The following DOCK2 variants were observed in gnomAD, a reference collection of about 807,000 sequenced individuals.
DOCK2 encodes the protein dedicator of cytokinesis protein 2.
DOCK2 carries 87 observed loss-of-function variants against 248.9 expected under a neutral mutation model. The ratio of observed to expected loss-of-function variants is 0.35; its 90% CI spans 0.29 to 0.42. DOCK2 has a LOEUF of 0.42. Among genes scored for constraint, DOCK2 ranks in the 10% least tolerant of loss-of-function variants. The pLI is 1.00. For synonymous variants in DOCK2, 805 were observed against 821.6 expected (o/e 0.98, Z 0.35); for missense variants, 1,747 against 2,300.2 (o/e 0.76, Z 4.92).
chr5:170,026,167 G>C (rs1250019698), intron 33 of DOCK2, among the ~76,000 whole-genome samples: 1 of 152,162 alleles, frequency 6.6e-6, no homozygotes, highest in African/African-American at 2.4e-5. Context: ...CGGATGATGT[G>C]TGAACCAGAG....
chr5:169,878,287 A>G (rs1772445051), intron 27 of DOCK2, among the ~76,000 whole-genome samples: 2 of 152,172 alleles, frequency 1.3e-5, no homozygotes, highest in Non-Finnish European at 1.5e-5. Flanking sequence ...TGGTTTTTGC[A>G]AGATTCCCCA....
intron 27 of DOCK2, among the ~76,000 whole-genome samples, chr5:169,866,977 A>G (rs1431279927): frequency 6.6e-6 from 1 of 152,090 alleles, no homozygotes; most frequent in Non-Finnish European, 1.5e-5. Context: ...ACTTCCCCCC[A>G]CTTACAAGTC....
chr5:169,902,572 G>A (rs771378895), intron 27 of DOCK2, among the ~76,000 whole-genome samples: 9 of 152,174 alleles, frequency 5.9e-5, no homozygotes, highest in Non-Finnish European at 1.0e-4. Context: ...AATACTGAGG[G>A]TCAGCTGTTT....
chr5:169,926,272 C>T (rs1775451161), intron 27 of DOCK2, among the ~76,000 whole-genome samples: 1 of 152,176 alleles, frequency 6.6e-6, no homozygotes, highest in Non-Finnish European at 1.5e-5. Flanking sequence ...ACCTGCAGAC[C>T]CTGCTCCTTA....
chr5:169,644,765 A>G (rs1314146988), intron 1 of DOCK2, among the ~76,000 whole-genome samples: 2 of 151,694 alleles, frequency 1.3e-5, no homozygotes, highest in African/African-American at 2.4e-5. Context: ...TGCATTAGCT[A>G]TTTGTCCTAA....
At chr5:169,728,538 A>G (rs1035690899) in intron 22 of DOCK2, among the ~76,000 whole-genome samples, 1 of 152,168 alleles carries the variant, frequency 6.6e-6, no homozygotes, top group Non-Finnish European at 1.5e-5. Context: ...GAGTGTCGGC[A>G]GTGTCAGGTG....
chr5:169,825,093 T>C (rs1189228648), intron 26 of DOCK2, among the ~76,000 whole-genome samples: 2 of 152,150 alleles, frequency 1.3e-5, no homozygotes, highest in East Asian at 1.9e-4. Flanking sequence ...CCAGTTAGAA[T>C]GGTGATCATT....
In DOCK2 at chr5:170,071,036, A is replaced by G. The variant is rs1432916602; in HGVS notation, c.4728+1816A>G. Among the ~76,000 whole-genome samples the G allele has an allele frequency of 2.0e-5, 3 of 152,162 alleles. No individual in the cohort carries two copies. In the East Asian group the frequency reaches 5.8e-4, roughly 29 times the overall value. ...AGCACCACCCGCTGCTCCTGAGACCACCTATACAGAGGCCCACCTAACCCC... is the reference window on the plus strand; with the variant it reads ...AGCACCACCCGCTGCTCCTGAGACCGCCTATACAGAGGCCCACCTAACCCC... On this transcript the variant is annotated intron_variant, in intron 46 of 51. Transcript: ENST00000520908.
chr5:169,877,632 C>G (rs1772405877), intron 27 of DOCK2, among the ~76,000 whole-genome samples: 1 of 152,082 alleles, frequency 6.6e-6, no homozygotes, highest in African/African-American at 2.4e-5. Flanking sequence ...GTGGAAATGT[C>G]TGCATGTAGT....
chr5:169,816,043 C>T (rs975246842), intron 26 of DOCK2, among the ~76,000 whole-genome samples: 4 of 152,146 alleles, frequency 2.6e-5, no homozygotes, highest in African/African-American at 7.2e-5. Flanking sequence ...TTAAATCTCC[C>T]CTTCGAAGTT....
Position 169,983,952 on chromosome 5 carries a change from C to T in DOCK2, c.2898+786C>T, listed in dbSNP as rs563018065. Among the ~76,000 whole-genome samples the T allele has an allele frequency of 3.0e-3, 464 of 152,314 alleles. 2 individuals carry two copies. The highest frequency in any genetic ancestry group is 4.9e-3 in the Non-Finnish European group (335 of 68,028). ...GATTGGCAAGAAATGGAACTTTTCC[C>T]TCAACCTCCAATTTCCCTATGTCTT... On this transcript the variant is annotated intron_variant, in intron 28 of 51. Coordinates refer to ENST00000520908, the MANE Select transcript of DOCK2 (RefSeq NM_004946.3).
chr5:169,785,164 G>A (rs1329289796), intron 25 of DOCK2, among the ~76,000 whole-genome samples: 1 of 152,152 alleles, frequency 6.6e-6, no homozygotes, highest in Non-Finnish European at 1.5e-5. Flanking sequence ...AAGCCAAAAA[G>A]TTGGATCAGC....
chr5:169,754,290 C>G (rs1764073165), intron 23 of DOCK2, among the ~76,000 whole-genome samples: 1 of 152,154 alleles, frequency 6.6e-6, no homozygotes, highest in South Asian at 2.1e-4. Flanking sequence ...TAGCAATGAT[C>G]TCAAGTGTCC....
At chr5:169,706,840 G>T (rs1270019198) in intron 14 of DOCK2, among the ~76,000 whole-genome samples, 1 of 152,328 alleles carries the variant, frequency 6.6e-6, no homozygotes, top group East Asian at 1.9e-4. Context: ...AAGCACAAGG[G>T]GAGATTTCCA....
intron 2 of DOCK2, among the ~76,000 whole-genome samples, chr5:169,655,950 T>C (rs1275823346): frequency 6.6e-6 from 1 of 152,198 alleles, no homozygotes; most frequent in African/African-American, 2.4e-5. Flanking sequence ...CACTTTTCAG[T>C]GTCCAGGGCC....
chr5:169,995,484 A>G (rs1375069179), intron 29 of DOCK2, among the ~76,000 whole-genome samples: 1 of 152,286 alleles, frequency 6.6e-6, no homozygotes, highest in Non-Finnish European at 1.5e-5. Flanking sequence ...GAAATGGATT[A>G]AACTGTGATA....
chr5:169,911,293 G>A (rs943742037), intron 27 of DOCK2, among the ~76,000 whole-genome samples: 9 of 152,156 alleles, frequency 5.9e-5, no homozygotes, highest in Non-Finnish European at 1.0e-4. Flanking sequence ...CGCCTCTGCT[G>A]CATTCCACAC....
chr5:169,985,237 T>C (rs1778036169), intron 28 of DOCK2, among the ~76,000 whole-genome samples: 1 of 152,030 alleles, frequency 6.6e-6, no homozygotes, highest in African/African-American at 2.4e-5. Context: ...TTTCCAAAGA[T>C]GGAGAAAAAG....
chr5:170,060,917 C>G (rs547271716), intron 44 of DOCK2, among the ~76,000 whole-genome samples: 2 of 152,216 alleles, frequency 1.3e-5, no homozygotes, highest in African/African-American at 4.8e-5. Context: ...GTAATCCCAG[C>G]TACTCAGAAG....
Sources: gnomAD v4.1 joint callset for allele counts (sites outside exome capture counted in the v4.1 genomes callset) on GRCh38, gnomAD v4.1.1 for gene constraint, MANE v1.5 for transcripts, NCBI Gene and HGNC (gene_info 2026-07-23, HGNC 2026-07-21) for gene names.